Variants in RCAN2 observed in about 807,000 individuals in gnomAD.
The protein encoded by RCAN2 is regulator of calcineurin 2.
Under a neutral mutation model 23.6 loss-of-function variants are expected in RCAN2, and 9 were observed. The ratio of observed to expected loss-of-function variants is 0.38; its 90% confidence interval spans 0.23 to 0.67. The LOEUF is 0.67. Ranked by LOEUF, RCAN2 falls within the 30% of genes least tolerant of loss-of-function variation. RCAN2 has a pLI of 0.51. For missense variants in RCAN2, 273 were observed against 302.3 expected, an observed-to-expected ratio of 0.90 and a Z score of 0.72; for synonymous variants, 109 against 115.7, an observed-to-expected ratio of 0.94 and a Z score of 0.37.
chr6:46,436,936 T>A (rs957478451), intron 2 of RCAN2, among the ~76,000 whole-genome samples: 16 of 152,154 alleles, frequency 1.1e-4, no homozygotes, highest in Admixed American at 2.6e-4. Flanking sequence ...AAGTTCAGCC[T>A]TCCCAGTAGG....
intron 2 of RCAN2, among the ~76,000 whole-genome samples, chr6:46,435,120 T>C (rs9395193): frequency 0.47 from 71,909 of 152,066 alleles, 17,244 homozygotes; most frequent in East Asian, 0.61. Flanking sequence ...ATTAGTATTA[T>C]ACAAATGACA....
At chr6:46,423,637 T>C (rs1042455099) in intron 2 of RCAN2, among the ~76,000 whole-genome samples, 1 of 152,254 alleles carries the variant, frequency 6.6e-6, no homozygotes, top group Non-Finnish European at 1.5e-5. Context: ...CTTATACATT[T>C]TGTAATTTAA....
At chr6:46,236,483 A>G (rs968213658) in intron 4 of RCAN2, among the ~76,000 whole-genome samples, 1 of 151,578 alleles carries the variant, frequency 6.6e-6, no homozygotes, top group Non-Finnish European at 1.5e-5. Flanking sequence ...ATAATGCTTA[A>G]TTATATCACC....
At chr6:46,395,586 T>C (rs1378467749) in intron 2 of RCAN2, among the ~76,000 whole-genome samples, 2 of 152,194 alleles carry the variant, frequency 1.3e-5, no homozygotes, top group Non-Finnish European at 2.9e-5. Flanking sequence ...ATTGTTTCAG[T>C]AATATACCTT....
intron 2 of RCAN2, among the ~76,000 whole-genome samples, chr6:46,347,130 C>A (rs6921814): frequency 6.6e-6 from 1 of 151,996 alleles, no homozygotes; most frequent in African/African-American, 2.4e-5. Flanking sequence ...CTGCCTCGGC[C>A]TCCCAAAGTG....
chr6:46,417,580 G>A (rs1414308641), intron 2 of RCAN2, among the ~76,000 whole-genome samples: 1 of 152,136 alleles, frequency 6.6e-6, no homozygotes, highest in Non-Finnish European at 1.5e-5. Flanking sequence ...CTATCATTCA[G>A]TTGCCATTAC....
chr6:46,314,498 C>G (rs1238089008), intron 2 of RCAN2, among the ~76,000 whole-genome samples: 1 of 150,890 alleles, frequency 6.6e-6, no homozygotes, highest in African/African-American at 2.4e-5. Flanking sequence ...GGATAAGATG[C>G]CTCCTAAGCA....
intron 2 of RCAN2, among the ~76,000 whole-genome samples, chr6:46,305,526 C>T (rs1426621258): frequency 6.6e-6 from 1 of 151,930 alleles, no homozygotes; most frequent in Non-Finnish European, 1.5e-5. Flanking sequence ...GCTAAGATGC[C>T]ACTAAATAAG....
chr6:46,406,843 A>G (rs1472258441), intron 2 of RCAN2, among the ~76,000 whole-genome samples: 17 of 152,238 alleles, frequency 1.1e-4, no homozygotes, highest in Admixed American at 9.8e-4. Context: ...TTATGTTACA[A>G]AAACTTAGAC....
At chr6:46,337,805 G>A (rs1372569) in intron 2 of RCAN2, among the ~76,000 whole-genome samples, 64,153 of 152,030 alleles carry the variant, frequency 0.42, 14,978 homozygotes, top group East Asian at 0.6. Context: ...GACAGCTGCC[G>A]GTAGTGCCCT....
chr6:46,461,555 G>C (rs2150435647), intron 1 of RCAN2, among the ~76,000 whole-genome samples: 2 of 151,748 alleles, frequency 1.3e-5, no homozygotes, highest in Admixed American at 1.3e-4. Flanking sequence ...TAAATAGGGG[G>C]CCTTCTGGGC....
intron 2 of RCAN2, among the ~76,000 whole-genome samples, chr6:46,391,400 C>T (rs1443293427): frequency 6.6e-6 from 1 of 152,074 alleles, no homozygotes. Context: ...AGGGCTAAAA[C>T]TGGGGTGCTA....
At chr6:46,271,822 T>C (rs1285242695) in intron 2 of RCAN2, among the ~76,000 whole-genome samples, 1 of 152,308 alleles carries the variant, frequency 6.6e-6, no homozygotes, top group African/African-American at 2.4e-5. Flanking sequence ...TCATGCTGAA[T>C]TAACACATAA....
intron 2 of RCAN2, among the ~76,000 whole-genome samples, chr6:46,293,893 A>G (rs931878113): frequency 1.3e-5 from 2 of 152,226 alleles, no homozygotes; most frequent in African/African-American, 4.8e-5. Flanking sequence ...TAATTTGAGT[A>G]GAAAATAGAG....
At chr6:46,455,959 T>C (rs1341733555) in intron 2 of RCAN2, among the ~76,000 whole-genome samples, 1 of 151,980 alleles carries the variant, frequency 6.6e-6, no homozygotes, top group Non-Finnish European at 1.5e-5. Flanking sequence ...ATAGTGGCTT[T>C]TACAACTAAG....
rs545453309 is a variant in RCAN2 at position 46,386,047 on chromosome 6, C to T, written c.225+70705G>A. On this transcript the variant is annotated intron_variant, in intron 2 of 4. Coordinates refer to ENST00000371374, the MANE Select transcript of RCAN2 (RefSeq NM_001251974.2). ...GGATCTAATTAAACTAAAGAGCTTC[C>T]GCACAGCAAAAGAAACTATCATCAG... Among the ~76,000 whole-genome samples, 629 of 151,964 alleles carry T rather than the reference C, an allele frequency of 4.1e-3. 2 individuals are homozygous for T. The highest frequency in any genetic ancestry group is 7.6e-3 in the Non-Finnish European group (518 of 67,962).
intron 2 of RCAN2, among the ~76,000 whole-genome samples, chr6:46,354,619 G>C (rs1466660854): frequency 6.6e-6 from 1 of 152,198 alleles, no homozygotes; most frequent in African/African-American, 2.4e-5. Context: ...AGAATCTCTA[G>C]AAGTAGGATG....
rs1469027131 is a variant in RCAN2, at chr6:46,222,355, T to G, written c.*786A>C. ...AATCATTCAGACACCATGAAACTTT[T>G]GTAATAAATAGGTTTGTCTGAAATC... On this transcript the variant is annotated 3_prime_UTR_variant, in exon 5 of 5. Coordinates refer to ENST00000371374, the MANE Select transcript of RCAN2 (RefSeq NM_001251974.2). 1 of 170,460 alleles carries G rather than the reference T, an allele frequency of 5.9e-6. No individual in the cohort carries two copies. The highest frequency in any genetic ancestry group is 1.2e-5 in the Non-Finnish European group (1 of 80,234). 10.6% of individuals were successfully genotyped at this position (170,460 alleles called of 1,614,324 possible).
intron 2 of RCAN2, among the ~76,000 whole-genome samples, chr6:46,291,429 C>G (rs7772923): frequency 0.026 from 3,903 of 151,740 alleles, 181 homozygotes; most frequent in African/African-American, 0.09. Context: ...GGAGTGCCAC[C>G]GAGTCCCAGC....
Sources: gnomAD v4.1 joint callset for allele counts (sites outside exome capture counted in the v4.1 genomes callset) on GRCh38, gnomAD v4.1.1 for gene constraint, MANE v1.5 for transcripts, NCBI Gene and HGNC (gene_info 2026-07-23, HGNC 2026-07-21) for gene names.